DDO: variants seen among roughly 807,000 people sequenced by gnomAD.
DDO encodes D-aspartate oxidase.
Under a neutral mutation model 16.8 loss-of-function variants are expected in DDO, and 16 were observed. The ratio of observed to expected loss-of-function variants is 0.95; its 90% CI spans 0.65 to 1.45. DDO has a LOEUF of 1.45. DDO is among the 40% of genes most tolerant of loss of function. The pLI, the probability that DDO is intolerant of heterozygous loss-of-function variation, is 0.00. For missense variants in DDO, 429 were observed against 420.3 expected (o/e 1.02, Z -0.18); for synonymous variants, 180 against 167.2 (o/e 1.08, Z -0.59).
chr6:110,398,211 C>T (rs1773348184), intron 4 of DDO, among the ~76,000 whole-genome samples: 1 of 152,084 alleles, frequency 6.6e-6, no homozygotes, highest in Admixed American at 6.6e-5. Context: ...TGTCCATTTC[C>T]CCAAGCTTAA....
chr6:110,392,580 A>G lies in DDO; in HGVS notation c.*195T>C, dbSNP rs9400379. On this transcript the variant is annotated 3_prime_UTR_variant, in exon 5 of 5. Coordinates refer to ENST00000368924, the MANE Select transcript of DDO (RefSeq NM_001372108.2). Reference sequence around the variant, plus strand: ...TTGCACTCAAACTCCTGGGCTCAACAATCCTCCTGCCTCAGCCTCTCAAGT... The same window carrying G: ...TTGCACTCAAACTCCTGGGCTCAACGATCCTCCTGCCTCAGCCTCTCAAGT... The G allele has an allele frequency of 0.46, 571,933 of 1,245,684 alleles. 134,678 individuals are homozygous for G. The highest frequency in any genetic ancestry group is 0.73 in the African/African-American group (47,058 of 64,736). 77.2% of individuals were successfully genotyped at this position (1,245,684 alleles called of 1,614,324 possible).
chr6:110,399,214 T>G (rs1458379415), intron 4 of DDO, among the ~76,000 whole-genome samples: 1 of 152,248 alleles, frequency 6.6e-6, no homozygotes, highest in Non-Finnish European at 1.5e-5. Context: ...AACAAGATGA[T>G]CTCTTCTATC....
Position 110,413,384 on chromosome 6 carries a change from G to C in DDO, c.79C>G (p.Pro27Ala). 1 of 1,614,130 alleles carries C rather than the reference G, an allele frequency of 6.2e-7. No individual in the cohort carries two copies. Among genetic ancestry groups the C allele is most frequent in the East Asian group, 2.2e-5 (1 of 44,872 alleles). ...GAAATGATGGTAACGGAGCATCGGG[G>C]CACCAGTTTGGAGATGCACACAGCC... Reference protein sequence around the residue: ...STAVCISKLVPRCSVTIISDK... With the variant: ...STAVCISKLVARCSVTIISDK... The change falls in exon 2 of 5, where the codon CCC becomes GCC. Residue 27 changes from proline to alanine, a missense_variant. Transcript: ENST00000368924.
In DDO at chr6:110,407,337, T is replaced by C. The variant is rs116511144; in HGVS notation, c.281+997A>G. Among the ~76,000 whole-genome samples the C allele has an allele frequency of 1.3e-3, 197 of 152,278 alleles. 1 individual carries two copies. The highest frequency in any genetic ancestry group is 4.7e-3 in the African/African-American group (194 of 41,544). ...TTAGTTATACAGAAGAATCAATCCATAGATTGATAGGAAAGCAAAACTGCT... is the reference window on the plus strand; with the variant it reads ...TTAGTTATACAGAAGAATCAATCCACAGATTGATAGGAAAGCAAAACTGCT... On this transcript the variant is annotated intron_variant, in intron 3 of 4. Transcript: ENST00000368924.
At position 110,392,809 on chromosome 6, in the gene DDO, G is replaced by A. The variant is rs754250964; in HGVS notation, c.992C>T (p.Ala331Val). 3.1e-6 allele frequency: 5 copies of A among 1,597,510 alleles called. No individual in the cohort carries two copies. The Admixed American group carries it at 6.9e-5, about 22-fold the overall frequency. ...AARLVSECVHALRTPIPKSNL is the reference protein window; with the variant it reads ...AARLVSECVHVLRTPIPKSNL ...TGACTTGGGAATGGGGGTCCTGAGG[G>A]CATGGACACACTCGCTCACCAGCCT... The change falls in exon 5 of 5, where the codon GCC becomes GTC. Residue 331 changes from alanine to valine, a missense_variant. Transcript: ENST00000368924.
chr6:110,406,032 A>G (rs1263966961), intron 3 of DDO, among the ~76,000 whole-genome samples: 1 of 152,192 alleles, frequency 6.6e-6, no homozygotes, highest in African/African-American at 2.4e-5. Flanking sequence ...AGTCCCCATG[A>G]AGACACAAAT....
chr6:110,390,211 G>A (rs1773076706), downstream of DDO, among the ~76,000 whole-genome samples: 1 of 152,220 alleles, frequency 6.6e-6, no homozygotes, highest in Non-Finnish European at 1.5e-5. Flanking sequence ...GACGCTAGCA[G>A]TGGGGGCCTA....
intron 1 of DDO, among the ~76,000 whole-genome samples, chr6:110,415,108 T>C (rs1214119084): frequency 6.6e-6 from 1 of 152,096 alleles, no homozygotes; most frequent in African/African-American, 2.4e-5. Context: ...TGAGAGAGAG[T>C]GGGCCTGCCA....
intron 4 of DDO, among the ~76,000 whole-genome samples, chr6:110,403,678 T>C (rs890066984): frequency 3.3e-5 from 5 of 152,222 alleles, no homozygotes; most frequent in Admixed American, 1.3e-4. Context: ...GCCACTGACA[T>C]GTGCCTAGCA....
chr6:110,396,100 C>T (rs952568824), intron 4 of DDO, among the ~76,000 whole-genome samples: 2 of 152,206 alleles, frequency 1.3e-5, no homozygotes, highest in African/African-American at 4.8e-5. Flanking sequence ...AAGATTGCTA[C>T]TCAATGGCAT....
At chr6:110,388,713 GT>G, downstream of DDO, 8 of 806,524 alleles carry the variant, frequency 9.9e-6, no homozygotes, top group Non-Finnish European at 1.2e-5. Context: ...AAGCAGCCTC[GT>G]TCCTCTGGGT....
In DDO at chr6:110,392,988, G is replaced by T. The variant is rs201573534; in HGVS notation, c.813C>A (p.Ile271=). Residue 271 remains isoleucine, a synonymous_variant, in exon 5 of 5, where the codon ATC becomes ATA. Coordinates refer to ENST00000368924, the MANE Select transcript of DDO (RefSeq NM_001372108.2). Reference sequence around the variant, plus strand: ...AGGGCCTCAAGCCCACCTTCTCCCTGATGTTGCAGGCTCCGTGGAGGGAGG... The same window carrying T: ...AGGGCCTCAAGCCCACCTTCTCCCTTATGTTGCAGGCTCCGTGGAGGGAGG... The part of the protein sequence containing the change: ...LEPSLHGACN[I]REKVGLRPYR... The T allele has an allele frequency of 1.9e-6, 3 of 1,612,138 alleles. No homozygotes were observed. The highest frequency in any genetic ancestry group is 2.5e-6 in the Non-Finnish European group (3 of 1,178,300).
intron 4 of DDO, among the ~76,000 whole-genome samples, chr6:110,400,343 C>CGGCG (rs1554220568): frequency 7.9e-6 from 1 of 126,442 alleles, no homozygotes; most frequent in Non-Finnish European, 1.7e-5. Context: ...AGGAGCGGGC[C>CGGCG]GGGGCGGGGA....
intron 3 of DDO, among the ~76,000 whole-genome samples, chr6:110,406,549 A>T (rs1773662881): frequency 6.6e-6 from 1 of 152,158 alleles, no homozygotes; most frequent in Non-Finnish European, 1.5e-5. Context: ...TATTCTCCAC[A>T]CTATAGAAAA....
At chr6:110,409,961 G>A (rs1582491577) in intron 2 of DDO, among the ~76,000 whole-genome samples, 1 of 152,002 alleles carries the variant, frequency 6.6e-6, no homozygotes, top group East Asian at 1.9e-4. Flanking sequence ...CAGAACTATA[G>A]CTGGAATGGT....
chr6:110,399,677 C>A (rs1207505305), intron 4 of DDO, among the ~76,000 whole-genome samples: 1 of 152,214 alleles, frequency 6.6e-6, no homozygotes, highest in Non-Finnish European at 1.5e-5. Context: ...ACGCAGGCTC[C>A]GGGCTGCAGG....
chr6:110,414,444 C>T (rs918331031), intron 1 of DDO, among the ~76,000 whole-genome samples: 3 of 152,316 alleles, frequency 2.0e-5, no homozygotes, highest in South Asian at 4.1e-4. Context: ...CCCAGTGAGG[C>T]GGTCTCATAA....
At chr6:110,398,421 C>CACACAA (rs1554220452) in intron 4 of DDO, among the ~76,000 whole-genome samples, 1,992 of 138,620 alleles carry the variant, frequency 0.014, 40 homozygotes, top group African/African-American at 0.049. Context: ...CACACACACA[C>CACACAA]ACACACTTGG....
At chr6:110,405,273 A>G (rs1161135496) in intron 3 of DDO, among the ~76,000 whole-genome samples, 4 of 152,192 alleles carry the variant, frequency 2.6e-5, no homozygotes, top group Non-Finnish European at 5.9e-5. Flanking sequence ...CCTGGACTCA[A>G]GTGATCCACC....
Sources: allele counts gnomAD v4.1 joint callset (sites outside exome capture counted in the v4.1 genomes callset), GRCh38; gene constraint gnomAD v4.1.1; transcripts MANE v1.5; gene names NCBI Gene and HGNC (gene_info 2026-07-23, HGNC 2026-07-21).